The following RFWD3 variants were observed in gnomAD, a reference collection of about 807,000 sequenced individuals.
RFWD3 encodes ring finger and WD repeat domain 3.
A neutral mutation model predicts 87.7 loss-of-function variants in RFWD3; 65 were observed. That is an observed-to-expected ratio of 0.74 (90% CI 0.61 to 0.91). RFWD3 has a LOEUF of 0.91. RFWD3 is among the 40% of genes least tolerant of loss of function. RFWD3 has a pLI of 0.00. For missense variants in RFWD3, 1,078 were observed against 938.5 expected (o/e 1.15, Z -1.94); for synonymous variants, 433 against 352.8 (o/e 1.23, Z -2.55).
At chr16:74,628,404 T>C in intron 11 of RFWD3, 48 bp downstream of exon 11, 1 of 1,571,780 alleles carries the variant, frequency 6.4e-7, no homozygotes, top group African/African-American at 1.4e-5. Context: ...CCCTTTTCTC[T>C]ACCACTGTGC....
At chr16:74,631,551 C>G (rs538566289) in intron 9 of RFWD3, among the ~76,000 whole-genome samples, 83 of 152,130 alleles carry the variant, frequency 5.5e-4, no homozygotes, top group Non-Finnish European at 1.0e-4. Flanking sequence ...TAAAACAATA[C>G]TTATAAAGGC....
At chr16:74,624,811 T>C (rs747523004) in intron 12 of RFWD3, among the ~76,000 whole-genome samples, 2 of 151,966 alleles carry the variant, frequency 1.3e-5, no homozygotes, top group African/African-American at 2.4e-5. Flanking sequence ...GCTGGGGCAA[T>C]ACAGCAAGAA....
At chr16:74,632,065 C>T (rs551948554) in intron 9 of RFWD3, among the ~76,000 whole-genome samples, 112 of 152,228 alleles carry the variant, frequency 7.4e-4, no homozygotes, top group Non-Finnish European at 1.3e-3. Flanking sequence ...TTAAATGGAT[C>T]TCAGAAGACA....
At position 74,661,297 on chromosome 16, in the gene RFWD3, G is replaced by A; in HGVS notation, c.153C>T (p.Ser51=). Reference sequence around the variant, plus strand: ...CCTCAGCAGGAGCTGGCTGGAGGATGGATGGTACCCCCTGGCTGCTGACCA... The same window carrying A: ...CCTCAGCAGGAGCTGGCTGGAGGATAGATGGTACCCCCTGGCTGCTGACCA... ...ADVVSSQGVP[S]ILQPAPAEVI... The change falls in exon 2 of 13, where the codon TCC becomes TCT. Residue 51 remains serine, a synonymous_variant. Coordinates refer to ENST00000361070, the MANE Select transcript of RFWD3 (RefSeq NM_018124.4). 6.2e-7 allele frequency: 1 copy of A among 1,614,138 alleles called. No homozygotes were observed. Among genetic ancestry groups the A allele is most frequent in the Non-Finnish European group, 8.5e-7 (1 of 1,180,016 alleles).
At chr16:74,633,581 G>C (rs1370328344) in intron 8 of RFWD3, among the ~76,000 whole-genome samples, 1 of 152,138 alleles carries the variant, frequency 6.6e-6, no homozygotes, top group Non-Finnish European at 1.5e-5. Flanking sequence ...ACAAAAAGCA[G>C]TGACTGCTGG....
chr16:74,664,846 G>C (rs1961750373), intron 1 of RFWD3: 1 of 152,212 alleles, frequency 6.6e-6, no homozygotes, highest in South Asian at 2.1e-4. Context: ...TCCCATACTG[G>C]ACAGCAGAAA....
chr16:74,634,419 C>A (rs1959176755), intron 8 of RFWD3, among the ~76,000 whole-genome samples: 1 of 152,016 alleles, frequency 6.6e-6, no homozygotes, highest in African/African-American at 2.4e-5. Flanking sequence ...AGGCCTCACT[C>A]TGTCACCCAT....
chr16:74,662,546 C>T (rs940771425), intron 1 of RFWD3, among the ~76,000 whole-genome samples: 2 of 152,112 alleles, frequency 1.3e-5, no homozygotes, highest in Non-Finnish European at 2.9e-5. Flanking sequence ...AACTAAGACA[C>T]AATTGTGAGG....
At chr16:74,645,496 T>C (rs1434188788) in intron 4 of RFWD3, among the ~76,000 whole-genome samples, 4 of 152,182 alleles carry the variant, frequency 2.6e-5, no homozygotes, top group Admixed American at 6.6e-5. Flanking sequence ...CAAACCTGTA[T>C]AGGATGTTAC....
At chr16:74,637,759 G>T in intron 7 of RFWD3, 97 bp downstream of exon 7, 1 of 863,612 alleles carries the variant, frequency 1.2e-6, no homozygotes, top group Non-Finnish European at 1.9e-6. Context: ...AAACAACTTG[G>T]CAAATCCTAT....
At chr16:74,635,148 C>A (rs553254108) in intron 8 of RFWD3, among the ~76,000 whole-genome samples, 1 of 152,022 alleles carries the variant, frequency 6.6e-6, no homozygotes, top group South Asian at 2.1e-4. Flanking sequence ...GGTGTGGTGG[C>A]GGGCGCCTGT....
chr16:74,647,789 G>A (rs1458209036), intron 4 of RFWD3, among the ~76,000 whole-genome samples: 1 of 149,632 alleles, frequency 6.7e-6, no homozygotes, highest in Non-Finnish European at 1.5e-5. Flanking sequence ...ATGGGGTTTC[G>A]CCATGTTGGC....
intron 6 of RFWD3, among the ~76,000 whole-genome samples, chr16:74,640,053 A>G (rs540406183): frequency 2.6e-5 from 4 of 152,128 alleles, no homozygotes; most frequent in Non-Finnish European, 5.9e-5. Context: ...GAAAAAACAT[A>G]CTACGGTTTC....
chr16:74,635,279 T>A (rs1316538750), intron 8 of RFWD3, among the ~76,000 whole-genome samples: 25 of 149,000 alleles, frequency 1.7e-4, no homozygotes, highest in Non-Finnish European at 3.0e-5. Flanking sequence ...CGAGACTCCA[T>A]CTCAAAAAAA....
At chr16:74,662,719 G>C (rs913637245) in intron 1 of RFWD3, among the ~76,000 whole-genome samples, 1 of 152,168 alleles carries the variant, frequency 6.6e-6, no homozygotes, top group Non-Finnish European at 1.5e-5. Context: ...AAGGGCCTAT[G>C]GGCCTTGGTA....
At chr16:74,639,335 G>A (rs1212712150) in intron 6 of RFWD3, among the ~76,000 whole-genome samples, 1 of 152,154 alleles carries the variant, frequency 6.6e-6, no homozygotes, top group Non-Finnish European at 1.5e-5. Flanking sequence ...ACTACACCCA[G>A]TGCGCTAAGC....
rs971063481 is a variant in RFWD3 at position 74,644,449 on chromosome 16, T to C, written c.992A>G (p.Asn331Ser). The change falls in exon 6 of 13, where the codon AAC becomes AGC. Residue 331 changes from asparagine to serine, a missense_variant. Coordinates refer to ENST00000361070, the MANE Select transcript of RFWD3 (RefSeq NM_018124.4). ...KGQVRKCPQCNKKARHSDIVV... is the reference protein window; with the variant it reads ...KGQVRKCPQCSKKARHSDIVV... ...AATGTCACTGTGCCTGGCTTTCTTG[T>C]TGCACTAAAGAACCCAATAGGACAT... 7 of 1,614,244 alleles carry C rather than the reference T, an allele frequency of 4.3e-6. No homozygotes were observed. The highest frequency in any genetic ancestry group is 1.1e-5 in the South Asian group (1 of 91,082).
At chr16:74,633,729 C>T (rs1314335101) in intron 8 of RFWD3, among the ~76,000 whole-genome samples, 2 of 152,002 alleles carry the variant, frequency 1.3e-5, no homozygotes, top group East Asian at 3.8e-4. Flanking sequence ...GTGGGTGGCT[C>T]GCTTGAGATC....
intron 4 of RFWD3, among the ~76,000 whole-genome samples, chr16:74,648,538 C>T (rs967029177): frequency 2.7e-5 from 4 of 149,660 alleles, no homozygotes; most frequent in African/African-American, 4.9e-5. Flanking sequence ...TTTGGGAGGC[C>T]GAGGTGGGTG....
Sources: allele counts gnomAD v4.1 joint callset (sites outside exome capture counted in the v4.1 genomes callset), GRCh38; gene constraint gnomAD v4.1.1; transcripts MANE v1.5; gene names NCBI Gene and HGNC (gene_info 2026-07-23, HGNC 2026-07-21).